CCNY: variants seen among roughly 807,000 people sequenced by gnomAD.
CCNY encodes the protein cyclin Y, also known as cyclin-Y.
CCNY carries 19 observed loss-of-function variants against 42.8 expected under a neutral mutation model. The ratio of observed to expected loss-of-function variants is 0.44; its 90% CI spans 0.31 to 0.65. CCNY has a LOEUF of 0.65. Among genes scored for constraint, CCNY ranks in the 30% least tolerant of loss-of-function variants. The probability of loss-of-function intolerance (pLI) is 0.07; values close to 1 mark genes in which losing one functional copy is unlikely to be tolerated. For missense variants in CCNY, 370 were observed against 437.3 expected, an observed-to-expected ratio of 0.85 and a Z score of 1.37; for synonymous variants, 165 against 162.7, an observed-to-expected ratio of 1.01 and a Z score of -0.11.
chr10:35,469,280 A>G (rs1445395454), intron 1 of CCNY, among the ~76,000 whole-genome samples: 2 of 152,248 alleles, frequency 1.3e-5, no homozygotes, highest in East Asian at 1.9e-4. Flanking sequence ...TTTAACTCAC[A>G]TTACAAAGTG....
intron 8 of CCNY, among the ~76,000 whole-genome samples, chr10:35,559,799 A>G (rs1311933751): frequency 3.3e-5 from 5 of 152,220 alleles, no homozygotes; most frequent in South Asian, 2.1e-4. Context: ...CACTGCCACC[A>G]TGGGCCCAGC....
chr10:35,436,734 GA>G (rs1838542462), intron 1 of CCNY, among the ~76,000 whole-genome samples: 1 of 152,166 alleles, frequency 6.6e-6, no homozygotes, highest in Non-Finnish European at 1.5e-5. Flanking sequence ...TACGTTGGAT[GA>G]AAATGAAATC....
At chr10:35,283,432 G>A (rs188427290) in intron 3 of CCNY, among the ~76,000 whole-genome samples, 42 of 150,622 alleles carry the variant, frequency 2.8e-4, no homozygotes, top group Admixed American at 1.4e-3. Context: ...ACTGAGTCTC[G>A]CTCTGTCGCC....
At chr10:35,329,790 G>A (rs1265676469) in intron 3 of CCNY, among the ~76,000 whole-genome samples, 1 of 152,152 alleles carries the variant, frequency 6.6e-6, no homozygotes, top group Non-Finnish European at 1.5e-5. Context: ...GAGAAAGCCT[G>A]GCGAGCAGGC....
At chr10:35,567,589 G>T (rs1841597822) in intron 9 of CCNY, among the ~76,000 whole-genome samples, 1 of 152,234 alleles carries the variant, frequency 6.6e-6, no homozygotes. Context: ...CCCATCCCAG[G>T]TGGGATGTTG....
chr10:35,475,706 G>A (rs1301383902), intron 1 of CCNY, among the ~76,000 whole-genome samples: 7 of 148,834 alleles, frequency 4.7e-5, no homozygotes, highest in Non-Finnish European at 7.4e-5. Flanking sequence ...AAAGACCATC[G>A]AGACTAGGAA....
chr10:35,255,809 G>T (rs920809376), intron 3 of CCNY, among the ~76,000 whole-genome samples: 1 of 152,028 alleles, frequency 6.6e-6, no homozygotes, highest in Non-Finnish European at 1.5e-5. Flanking sequence ...TGCCCAGACC[G>T]GTCTCGAACT....
chr10:35,362,386 C>G (rs558597123), intron 1 of CCNY, among the ~76,000 whole-genome samples: 2 of 152,188 alleles, frequency 1.3e-5, no homozygotes, highest in Admixed American at 6.5e-5. Flanking sequence ...GTGGTTCTTG[C>G]AAATAGAACA....
At position 35,417,926 on chromosome 10, in the gene CCNY, G is replaced by A. The variant is rs149701347; in HGVS notation, c.155-65478G>A. 2.0e-3 allele frequency among the ~76,000 whole-genome samples: 303 copies of A among 152,252 alleles called. 2 individuals are homozygous for A. Among genetic ancestry groups the A allele is most frequent in the African/African-American group, 6.9e-3 (286 of 41,552 alleles). On this transcript the variant is annotated intron_variant, in intron 1 of 9. Transcript: ENST00000374704. ...TTTTTTTCATCAGCTGTTTCCAAAAGCCTTCAGCAAGATGCTGTGTGACAT... is the reference window on the plus strand; with the variant it reads ...TTTTTTTCATCAGCTGTTTCCAAAAACCTTCAGCAAGATGCTGTGTGACAT...
chr10:35,399,514 G>A (rs900350974), intron 1 of CCNY, among the ~76,000 whole-genome samples: 2 of 152,212 alleles, frequency 1.3e-5, no homozygotes, highest in African/African-American at 4.8e-5. Context: ...AATTCAAGGT[G>A]TGAAGGGAGG....
chr10:35,407,185 C>T (rs577196046), intron 1 of CCNY, among the ~76,000 whole-genome samples: 2 of 151,974 alleles, frequency 1.3e-5, no homozygotes, highest in South Asian at 2.1e-4. Context: ...TTGGGCAGGT[C>T]GGGGAGGGCT....
intron 2 of CCNY, among the ~76,000 whole-genome samples, 168 bp from the exon 3 acceptor site, chr10:35,501,333 A>G (rs1239071080): frequency 1.3e-5 from 2 of 152,210 alleles, no homozygotes; most frequent in Non-Finnish European, 2.9e-5. Context: ...AAGTTCATTC[A>G]GATCTGCATT....
intron 1 of CCNY, among the ~76,000 whole-genome samples, chr10:35,467,538 G>A (rs1002819225): frequency 5.3e-5 from 8 of 152,202 alleles, no homozygotes; most frequent in Non-Finnish European, 1.2e-4. Flanking sequence ...GTCAGTTTGT[G>A]TCTAGCACCA....
intron 1 of CCNY, among the ~76,000 whole-genome samples, chr10:35,475,235 T>C (rs1280191635): frequency 1.6e-4 from 25 of 152,138 alleles, no homozygotes; most frequent in South Asian, 2.1e-4. Context: ...TCCAGGAGAA[T>C]TTCCCCAATC....
At chr10:35,439,464 T>A (rs1838616987) in intron 1 of CCNY, among the ~76,000 whole-genome samples, 2 of 152,198 alleles carry the variant, frequency 1.3e-5, no homozygotes, top group African/African-American at 4.8e-5. Context: ...CATTTGGTAC[T>A]TGTTTATAGT....
In CCNY at chr10:35,566,090, G is replaced by T; in HGVS notation, c.814G>T (p.Ala272Ser). The T allele has an allele frequency of 6.2e-7, 1 of 1,614,214 alleles. No individual in the cohort carries two copies. The highest frequency in any genetic ancestry group is 2.2e-5 in the East Asian group (1 of 44,870). ...FNINVPSSVY[A>S]KYYFDLRSLA... is the part of the protein sequence containing the mutation. ...CATCAATGTTCCTTCCAGTGTCTAT[G>T]CCAAGTATTATTTTGATCTTCGTTC... The change falls in exon 9 of 10, where the codon GCC becomes TCC. Residue 272 changes from alanine to serine, a missense_variant. This residue lies in a region of CCNY where 234 missense variants were observed against 313.1 expected (regional missense o/e 0.75). Transcript: ENST00000374704.
intron 1 of CCNY, chr10:35,394,851 C>T (rs1392794153): frequency 2.1e-5 from 21 of 985,118 alleles, no homozygotes; most frequent in Middle Eastern, 1.0e-3. Flanking sequence ...GAAAGTGTTT[C>T]ATCACGGGCC....
intron 1 of CCNY, among the ~76,000 whole-genome samples, chr10:35,428,770 C>T (rs1483114413): frequency 6.6e-6 from 1 of 151,918 alleles, no homozygotes; most frequent in Non-Finnish European, 1.5e-5. Flanking sequence ...TAGGTGGTGG[C>T]ATTGACAGGA....
intron 2 of CCNY, among the ~76,000 whole-genome samples, chr10:35,493,073 C>T (rs1338381429): frequency 6.6e-6 from 1 of 152,162 alleles, no homozygotes; most frequent in Non-Finnish European, 1.5e-5. Flanking sequence ...TGCCGTGGCT[C>T]ACTTTTCTTG....
Sources: gnomAD v4.1 joint callset for allele counts (sites outside exome capture counted in the v4.1 genomes callset) on GRCh38, gnomAD v4.1.1 for gene constraint, gnomAD v4.1.1 regional missense constraint, MANE v1.5 for transcripts, NCBI Gene and HGNC (gene_info 2026-07-23, HGNC 2026-07-21) for gene names.